The following SCRG1 variants were observed in gnomAD, a reference collection of about 807,000 sequenced individuals.
SCRG1 encodes stimulator of chondrogenesis 1, also known as scrapie-responsive protein 1.
In SCRG1, 3 loss-of-function variants were observed where a neutral mutation model predicts 7.7. The ratio of observed to expected loss-of-function variants is 0.39; its 90% CI spans 0.18 to 1.01. The LOEUF is 1.01. SCRG1 is among the 50% of genes least tolerant of loss of function. SCRG1 has a pLI of 0.36. For missense variants in SCRG1, 110 were observed against 117.2 expected (o/e 0.94, Z 0.28); for synonymous variants, 46 against 41.2 (o/e 1.12, Z -0.44).
the SCRG1 span, among the ~76,000 whole-genome samples, chr4:173,438,037 G>T: frequency 6.6e-6 from 1 of 152,118 alleles, no homozygotes; most frequent in African/African-American, 2.4e-5. Flanking sequence ...TCAAAATTGT[G>T]GTTGTGTAGC....
intron 1 of SCRG1, among the ~76,000 whole-genome samples, chr4:173,397,210 GGTT>G (rs1338905503): frequency 4.6e-5 from 7 of 152,100 alleles, no homozygotes; most frequent in Non-Finnish European, 1.0e-4. Flanking sequence ...GGGATACATT[GGTT>G]GTTGTTTCAT....
At chr4:173,514,952 G>T in the SCRG1 span, among the ~76,000 whole-genome samples, 5,925 of 152,174 alleles carry the variant, frequency 0.039, 176 homozygotes, top group African/African-American at 0.083. Flanking sequence ...AAACAGACCC[G>T]CCCCAAAACA....
chr4:173,397,512 A>G (rs1224833876), intron 1 of SCRG1, among the ~76,000 whole-genome samples: 4 of 152,186 alleles, frequency 2.6e-5, no homozygotes, highest in Admixed American at 1.3e-4. Flanking sequence ...GTATGATACC[A>G]TTTATATCCT....
chr4:173,414,808 A>G, the SCRG1 span, among the ~76,000 whole-genome samples: 2 of 152,214 alleles, frequency 1.3e-5, no homozygotes, highest in Non-Finnish European at 2.9e-5. Flanking sequence ...AAGGTGCAAC[A>G]TCATCACTTC....
chr4:173,480,057 A>G, the SCRG1 span, among the ~76,000 whole-genome samples: 2 of 151,010 alleles, frequency 1.3e-5, no homozygotes, highest in East Asian at 2.0e-4. Context: ...ACAGCCTCCA[A>G]CTCCTGGGCT....
upstream of SCRG1, among the ~76,000 whole-genome samples, chr4:173,402,064 C>T (rs1739776411): frequency 2.0e-5 from 3 of 152,110 alleles, no homozygotes; most frequent in Admixed American, 1.3e-4. Context: ...TTACTCAGAC[C>T]TCTTATCGAA....
chr4:173,404,995 T>A (rs780879414), intron 1 of SCRG1, among the ~76,000 whole-genome samples: 1 of 152,316 alleles, frequency 6.6e-6, no homozygotes, highest in Non-Finnish European at 1.5e-5. Flanking sequence ...ATTAGTGTGG[T>A]CCATTTTTTA....
At chr4:173,454,935 C>T in the SCRG1 span, among the ~76,000 whole-genome samples, 1 of 152,134 alleles carries the variant, frequency 6.6e-6, no homozygotes, top group Admixed American at 6.5e-5. Context: ...ATAGCTATTT[C>T]CTTAACCTTA....
chr4:173,433,396 C>A, the SCRG1 span, among the ~76,000 whole-genome samples: 1 of 152,012 alleles, frequency 6.6e-6, no homozygotes, highest in African/African-American at 2.4e-5. Flanking sequence ...GTCATGAAAA[C>A]AGAAGCTTTT....
At chr4:173,450,584 T>G in the SCRG1 span, among the ~76,000 whole-genome samples, 3 of 152,096 alleles carry the variant, frequency 2.0e-5, no homozygotes, top group African/African-American at 7.2e-5. Context: ...CTTTTACCTG[T>G]GGGTTCAGGA....
chr4:173,421,460 T>C, the SCRG1 span, among the ~76,000 whole-genome samples: 3 of 152,084 alleles, frequency 2.0e-5, no homozygotes, highest in South Asian at 6.2e-4. Context: ...TTATGTTCAG[T>C]GTTTTATATT....
chr4:173,420,152 AC>A, the SCRG1 span: 1 of 508,956 alleles, frequency 2.0e-6, no homozygotes, highest in African/African-American at 2.0e-5. Flanking sequence ...CAGAACAGAG[AC>A]CCACATCCGT....
the SCRG1 span, among the ~76,000 whole-genome samples, chr4:173,513,071 T>C: frequency 6.6e-6 from 1 of 152,306 alleles, no homozygotes; most frequent in Non-Finnish European, 1.5e-5. Flanking sequence ...AAAACCTCTC[T>C]ATGGTAGGAG....
At chr4:173,421,099 A>G in the SCRG1 span, among the ~76,000 whole-genome samples, 25 of 151,916 alleles carry the variant, frequency 1.6e-4, no homozygotes, top group African/African-American at 4.6e-4. Context: ...GTATGTAACC[A>G]CAGATATGGA....
chr4:173,403,330 G>C (rs1430131872), upstream of SCRG1: 1 of 152,116 alleles, frequency 6.6e-6, no homozygotes, highest in Non-Finnish European at 1.5e-5. Flanking sequence ...ATGTACTTGG[G>C]AATGGCTAGG....
At chr4:173,511,791 C>T in the SCRG1 span, among the ~76,000 whole-genome samples, 3 of 151,976 alleles carry the variant, frequency 2.0e-5, no homozygotes, top group Non-Finnish European at 4.4e-5. This position sits in a 1 kb window ranked among gnomAD's most constrained non-coding sequence, Gnocchi z 5.2. Context: ...TATATATAAA[C>T]TTGGCTTAGT....
At chr4:173,503,126 G>A in the SCRG1 span, among the ~76,000 whole-genome samples, 10 of 152,182 alleles carry the variant, frequency 6.6e-5, no homozygotes, top group African/African-American at 2.4e-4. The surrounding 1 kb of genome is among the most constrained non-coding windows in gnomAD (Gnocchi z 6.4). Flanking sequence ...GGCACAGCTA[G>A]AGCAGGTGTC....
the SCRG1 span, among the ~76,000 whole-genome samples, chr4:173,471,652 C>G: frequency 6.6e-6 from 1 of 152,150 alleles, no homozygotes; most frequent in African/African-American, 2.4e-5. Flanking sequence ...AATGGTCACT[C>G]TGGTAGCCTA....
intron 1 of SCRG1, among the ~76,000 whole-genome samples, chr4:173,397,457 A>AT (rs1178929137): frequency 3.3e-5 from 5 of 152,214 alleles, no homozygotes; most frequent in African/African-American, 7.2e-5. Flanking sequence ...GTAGTTATCC[A>AT]TTTTTTTAAT....
Sources: gnomAD v4.1 joint callset for allele counts (sites outside exome capture counted in the v4.1 genomes callset) on GRCh38, gnomAD v4.1.1 for gene constraint, Gnocchi (gnomAD v3.1) non-coding constraint, MANE v1.5 for transcripts, NCBI Gene and HGNC (gene_info 2026-07-23, HGNC 2026-07-21) for gene names.